LRRK2: variants seen among roughly 807,000 people sequenced by gnomAD.
LRRK2 encodes leucine-rich repeat serine/threonine-protein kinase 2.
Under a neutral mutation model 302.6 loss-of-function variants are expected in LRRK2, and 203 were observed. The ratio of observed to expected loss-of-function variants is 0.67; its 90% CI spans 0.60 to 0.75. The LOEUF (loss-of-function observed/expected upper bound fraction) is 0.75, where lower values mean the gene tolerates loss of function less well. Ranked by LOEUF, LRRK2 falls within the 30% of genes least tolerant of loss-of-function variation. LRRK2 has a pLI of 0.00. For missense variants in LRRK2, 2,830 were observed against 2,951.0 expected (o/e 0.96, Z 0.95); for synonymous variants, 1,066 against 1,031.9 (o/e 1.03, Z -0.63).
At chr12:40,253,656 C>T (rs1199410450) in intron 11 of LRRK2, among the ~76,000 whole-genome samples, 1 of 152,210 alleles carries the variant, frequency 6.6e-6, no homozygotes, top group Non-Finnish European at 1.5e-5. Flanking sequence ...GGATTACAGG[C>T]ATGAACCACT....
At chr12:40,360,453 T>C (rs1174539673) in intron 47 of LRRK2, among the ~76,000 whole-genome samples, 1 of 152,092 alleles carries the variant, frequency 6.6e-6, no homozygotes, top group Non-Finnish European at 1.5e-5. Context: ...ATTTGAATCT[T>C]TGTACTTCTC....
chr12:40,279,520 C>T lies in LRRK2; in HGVS notation c.2241+1259C>T, dbSNP rs375844529. 3.3e-5 allele frequency among the ~76,000 whole-genome samples: 5 copies of T among 152,178 alleles called. No individual in the cohort carries two copies. The South Asian group carries it at 1.0e-3, about 32-fold the overall frequency. ...AATAATTTAATACATTTTTACTGTG[C>T]ATCTTTTGCATGCAGATTATTGCAT... On this transcript the variant is annotated intron_variant, in intron 18 of 50. Transcript: ENST00000298910.
chr12:40,225,539 C>G lies in LRRK2; in HGVS notation c.152-16C>G. 6.2e-7 allele frequency: 1 copy of G among 1,607,284 alleles called. No individual in the cohort carries two copies. The highest frequency in any genetic ancestry group is 8.5e-7 in the Non-Finnish European group (1 of 1,173,812). On this transcript the variant is annotated splice_polypyrimidine_tract_variant and intron_variant, in intron 1 of 50. Coordinates refer to ENST00000298910, the MANE Select transcript of LRRK2 (RefSeq NM_198578.4). ...ATTGTGACTTTGCTTCTTTTCCCCA[C>G]CCACTTGTTTTCCAGCCTCCAAGTT...
intron 39 of LRRK2, among the ~76,000 whole-genome samples, chr12:40,329,505 G>C (rs923196860): frequency 6.6e-6 from 1 of 151,770 alleles, no homozygotes; most frequent in Non-Finnish European, 1.5e-5. Context: ...TCTATAGTTT[G>C]GTTCTGAGAA....
At position 40,299,221 on chromosome 12, in the gene LRRK2, A is replaced by G. The variant is rs202169917; in HGVS notation, c.3460A>G (p.Lys1154Glu). The G allele has an allele frequency of 3.0e-5, 49 of 1,613,570 alleles. 1 individual carries two copies. The South Asian group carries it at 4.7e-4, about 16-fold the overall frequency. Residue 1154 changes from lysine to glutamate, a missense_variant, in exon 25 of 51, where the codon AAA becomes GAA. This residue lies in a region of LRRK2 where 2,121 missense variants were observed against 2,148.0 expected (regional missense o/e 0.99). Transcript: ENST00000298910. Reference sequence around the variant, plus strand: ...AGAGAACTTTCTTGAGGCTTGTCCTAAAGTGGAGAGTTTCAGTGCCAGAAT... The same window carrying G: ...AGAGAACTTTCTTGAGGCTTGTCCTGAAGTGGAGAGTTTCAGTGCCAGAAT... ...LSENFLEACP[K>E]VESFSARMNF...
At chr12:40,254,152 T>C (rs1299177352) in intron 11 of LRRK2, among the ~76,000 whole-genome samples, 1 of 152,022 alleles carries the variant, frequency 6.6e-6, no homozygotes. Context: ...CATTGGGACT[T>C]GGCAGCTTTT....
At chr12:40,252,255 A>G (rs761026829) in intron 10 of LRRK2, among the ~76,000 whole-genome samples, 4 of 152,200 alleles carry the variant, frequency 2.6e-5, no homozygotes, top group African/African-American at 4.8e-5. Context: ...GTAGTATTCT[A>G]TGTCTGAAAT....
intron 48 of LRRK2, 41 bp downstream of exon 48, chr12:40,363,595 T>C (rs780751474): frequency 1.9e-6 from 3 of 1,594,038 alleles, no homozygotes; most frequent in East Asian, 2.3e-5. Flanking sequence ...AAAAGAATTA[T>C]CTTTGCACTT....
chr12:40,251,557 G>T lies in LRRK2; in HGVS notation c.1181+13G>T. On this transcript the variant is annotated intron_variant, in intron 10 of 50. Coordinates refer to ENST00000298910, the MANE Select transcript of LRRK2 (RefSeq NM_198578.4). ...ATGAAGATGGCCAGTTAGTAGTTTT[G>T]ATTTTATATGATAGAAAATTTCAGT... The T allele has an allele frequency of 6.3e-7, 1 of 1,589,986 alleles. No homozygotes were observed. Among genetic ancestry groups the T allele is most frequent in the South Asian group, 1.1e-5 (1 of 89,390 alleles).
At chr12:40,281,816 A>G (rs1943707584) in intron 18 of LRRK2, among the ~76,000 whole-genome samples, 1 of 152,208 alleles carries the variant, frequency 6.6e-6, no homozygotes, top group African/African-American at 2.4e-5. Context: ...ACACAGTGCT[A>G]GATAATTAAT....
intron 25 of LRRK2, among the ~76,000 whole-genome samples, chr12:40,302,344 A>G (rs1204084727): frequency 6.6e-6 from 1 of 152,144 alleles, no homozygotes; most frequent in Non-Finnish European, 1.5e-5. Context: ...ATTATTCCAT[A>G]GAACACTCTT....
intron 41 of LRRK2, among the ~76,000 whole-genome samples, chr12:40,342,355 C>A (rs1031870217): frequency 6.6e-6 from 1 of 152,116 alleles, no homozygotes; most frequent in African/African-American, 2.4e-5. Context: ...TCTTCCTGAT[C>A]CCTTTTAATC....
At position 40,295,445 on chromosome 12, in the gene LRRK2, C is replaced by T; in HGVS notation, c.2897C>T (p.Ser966Phe). Residue 966 changes from serine to phenylalanine, a missense_variant, in exon 23 of 51, where the codon TCC becomes TTC. Physicochemically the swap from Ser to Phe is radical, Grantham distance 155. Around this residue, in one of 3 missense-constraint regions of LRRK2, gnomAD observed 2,121 missense variants for 2,148.0 expected, o/e 0.99. Transcript: ENST00000298910. ...DDSLRSSKLQ[S>F]HMRHSDSISS... is the part of the protein sequence containing the mutation. ...ACAAAAGGGTCATCAAAACTTCAAT[C>T]CCATATGAGGCATTCAGACAGCATT... is the stretch of plus-strand genomic sequence containing the variant. 1 of 1,612,964 alleles carries T rather than the reference C, an allele frequency of 6.2e-7. No individual in the cohort carries two copies. The highest frequency in any genetic ancestry group is 8.5e-7 in the Non-Finnish European group (1 of 1,179,878).
chr12:40,246,596 C>G (rs2136455902), intron 7 of LRRK2, among the ~76,000 whole-genome samples: 1 of 152,142 alleles, frequency 6.6e-6, no homozygotes, highest in East Asian at 1.9e-4. Flanking sequence ...GTTGCGGAGC[C>G]TTGTTTTCTT....
chr12:40,346,828 T>C lies in LRRK2; in HGVS notation c.6185T>C (p.Leu2062Pro), dbSNP rs1311674529. 6.2e-7 allele frequency: 1 copy of C among 1,612,946 alleles called. No individual in the cohort carries two copies. The highest frequency in any genetic ancestry group is 8.5e-7 in the Non-Finnish European group (1 of 1,179,012). The change falls in exon 42 of 51, where the codon CTA (leucine) becomes CCA (proline). Residue 2062 changes from leucine to proline, a missense_variant. Transcript: ENST00000298910. ...GCTGATGTTTATTCATTTGGTTTAC[T>C]ACTCTATGACATTTTGACAACTGGA... Reference protein sequence around the residue: ...QQADVYSFGLLLYDILTTGGR... With the variant: ...QQADVYSFGLPLYDILTTGGR...
intron 41 of LRRK2, among the ~76,000 whole-genome samples, chr12:40,343,574 T>A (rs895559104): frequency 2.0e-5 from 3 of 152,186 alleles, no homozygotes; most frequent in Non-Finnish European, 4.4e-5. Flanking sequence ...ATTTCTCTTA[T>A]CCTTCATCCG....
intron 38 of LRRK2, among the ~76,000 whole-genome samples, chr12:40,325,393 C>T (rs769668044): frequency 6.6e-6 from 1 of 152,222 alleles, no homozygotes; most frequent in Non-Finnish European, 1.5e-5. Context: ...CCATAAATCC[C>T]ATGTTCATTT....
chr12:40,317,213 A>T (rs1945253343), intron 33 of LRRK2, among the ~76,000 whole-genome samples: 1 of 152,078 alleles, frequency 6.6e-6, no homozygotes, highest in African/African-American at 2.4e-5. Flanking sequence ...TGAGCCACTC[A>T]AAGTTACTTT....
Position 40,311,356 on chromosome 12 carries a change from T to TAA in LRRK2, c.4536+709_4536+710dup, listed in dbSNP as rs1159157276. On this transcript the variant is annotated intron_variant, in intron 31 of 50. Coordinates refer to ENST00000298910, the MANE Select transcript of LRRK2 (RefSeq NM_198578.4). ...TTATCAGAGAGAACACTTTTTTTTT[T>TAA]AAATACTTGGCAGAAAAAAGAAATC... 4.7e-3 allele frequency among the ~76,000 whole-genome samples: 707 copies of TAA among 151,614 alleles called. 2 individuals carry two copies. Among genetic ancestry groups the TAA allele is most frequent in the Non-Finnish European group, 6.8e-3 (462 of 67,818 alleles).
Sources: gnomAD v4.1 joint callset for allele counts (sites outside exome capture counted in the v4.1 genomes callset) on GRCh38, gnomAD v4.1.1 for gene constraint, gnomAD v4.1.1 regional missense constraint, MANE v1.5 for transcripts, NCBI Gene and HGNC (gene_info 2026-07-23, HGNC 2026-07-21) for gene names.